Variants in ENPP2 observed in about 807,000 individuals in gnomAD.
ENPP2 encodes the protein autotaxin.
ENPP2 carries 51 observed loss-of-function variants against 120.2 expected under a neutral mutation model. That is an observed-to-expected ratio of 0.42 (90% confidence interval 0.34 to 0.54). ENPP2 has a LOEUF of 0.54. ENPP2 is among the 20% of genes least tolerant of loss of function. ENPP2 has a pLI of 0.04. For missense variants in ENPP2, 920 were observed against 1,066.5 expected (o/e 0.86, Z 1.91); for synonymous variants, 365 against 366.4 (o/e 1.00, Z 0.04).
At chr8:119,586,035 T>C (rs891694625) in intron 15 of ENPP2, 151 bp downstream of exon 15, 1 of 798,404 alleles carries the variant, frequency 1.3e-6, no homozygotes, top group Non-Finnish European at 2.0e-6. Context: ...GTCTCAGCAC[T>C]GATGGTTTAT....
At chr8:119,652,992 C>T (rs1817667617) in intron 1 of ENPP2, among the ~76,000 whole-genome samples, 1 of 152,150 alleles carries the variant, frequency 6.6e-6, no homozygotes, top group Non-Finnish European at 1.5e-5. Context: ...CCTGCAAGCT[C>T]TATAGAAGCC....
chr8:119,601,509 C>A, intron 9 of ENPP2, 47 bp from the exon 10 acceptor site: 1 of 1,442,766 alleles, frequency 6.9e-7, no homozygotes, highest in South Asian at 1.2e-5. Context: ...TTCATTTCCG[C>A]AAACTCAAGC....
At chr8:119,661,154 T>G (rs1187457273) in intron 1 of ENPP2, among the ~76,000 whole-genome samples, 1 of 150,338 alleles carries the variant, frequency 6.7e-6, no homozygotes, top group African/African-American at 2.5e-5. Context: ...CATCACACAC[T>G]GGGGCCTGTT....
Position 119,655,156 on chromosome 8 carries a change from A to G in ENPP2, c.22-16629T>C, listed in dbSNP as rs565303050. Among the ~76,000 whole-genome samples the G allele has an allele frequency of 4.6e-5, 7 of 152,350 alleles. No homozygotes were observed. The South Asian group carries it at 1.0e-3, about 23-fold the overall frequency. On this transcript the variant is annotated intron_variant, in intron 1 of 25. Coordinates refer to the ENPP2 transcript ENST00000427067. ...AAAGAAACACATTTCACAAAATCCTATGATGGACTTAAGCAAGAGATGAAG... is the reference window on the plus strand; with the variant it reads ...AAAGAAACACATTTCACAAAATCCTGTGATGGACTTAAGCAAGAGATGAAG...
At chr8:119,588,959 C>A (rs1227226133) in intron 13 of ENPP2, among the ~76,000 whole-genome samples, 2 of 152,276 alleles carry the variant, frequency 1.3e-5, no homozygotes, top group South Asian at 4.2e-4. Flanking sequence ...TACTAACCAT[C>A]ATCCTCGAAG....
At chr8:119,603,758 AG>A (rs1300914140) in intron 9 of ENPP2, among the ~76,000 whole-genome samples, 1 of 152,210 alleles carries the variant, frequency 6.6e-6, no homozygotes, top group Non-Finnish European at 1.5e-5. Flanking sequence ...ATATTTGTTA[AG>A]GGCATATTGG....
At chr8:119,660,443 C>T (rs1563778941) in intron 1 of ENPP2, among the ~76,000 whole-genome samples, 1 of 152,178 alleles carries the variant, frequency 6.6e-6, no homozygotes, top group Non-Finnish European at 1.5e-5. Context: ...CACTTTACCA[C>T]TACACCATAC....
chr8:119,625,289 C>T (rs1244128045), intron 3 of ENPP2, among the ~76,000 whole-genome samples: 2 of 152,090 alleles, frequency 1.3e-5, no homozygotes, highest in Admixed American at 6.5e-5. Flanking sequence ...TTTGCAGATC[C>T]ACAATTAAAA....
intron 9 of ENPP2, among the ~76,000 whole-genome samples, chr8:119,604,467 A>T (rs532407540): frequency 1.3e-5 from 2 of 152,344 alleles, no homozygotes; most frequent in South Asian, 4.1e-4. Flanking sequence ...TACAATGCGC[A>T]GACAGCACAA....
chr8:119,626,843 T>A, intron 2 of ENPP2, 123 bp from the exon 3 acceptor site: 1 of 838,416 alleles, frequency 1.2e-6, no homozygotes, highest in South Asian at 1.7e-5. Context: ...ACTGGCTCCA[T>A]TACTTACTAC....
chr8:119,668,037 A>G (rs1183955850), intron 1 of ENPP2, among the ~76,000 whole-genome samples: 4 of 152,154 alleles, frequency 2.6e-5, no homozygotes, highest in Non-Finnish European at 5.9e-5. Context: ...CAATTTAGAC[A>G]TCACTTCCTA....
chr8:119,573,737 A>C (rs1258813023), intron 19 of ENPP2, among the ~76,000 whole-genome samples: 1 of 152,138 alleles, frequency 6.6e-6, no homozygotes, highest in Non-Finnish European at 1.5e-5. Context: ...TGAACCTGGG[A>C]GGCAGAGGAT....
At chr8:119,660,085 G>A (rs16892919) in intron 1 of ENPP2, among the ~76,000 whole-genome samples, 5,348 of 152,204 alleles carry the variant, frequency 0.035, 309 homozygotes, top group African/African-American at 0.12. Flanking sequence ...CCTAGCTATC[G>A]TCTAAAAAGG....
chr8:119,646,442 G>A (rs1348981642), intron 1 of ENPP2, among the ~76,000 whole-genome samples: 1 of 152,156 alleles, frequency 6.6e-6, no homozygotes, highest in Non-Finnish European at 1.5e-5. Context: ...CCCAGAATCT[G>A]TTTTCGCAAC....
At chr8:119,576,579 C>T (rs556014793) in intron 19 of ENPP2, among the ~76,000 whole-genome samples, 1 of 152,248 alleles carries the variant, frequency 6.6e-6, no homozygotes, top group African/African-American at 2.4e-5. Flanking sequence ...AAATATGAAA[C>T]ATTTTTATAG....
In ENPP2 at chr8:119,582,480, T is replaced by C. The variant is rs747023486; in HGVS notation, c.1666A>G (p.Ile556Val). The change falls in exon 18 of 25, where the codon ATT (isoleucine) becomes GTT (valine). Residue 556 changes from isoleucine (I) to valine (V), a missense_variant. By Grantham distance (29) the Ile-to-Val change is conservative (BLOSUM62 3). Transcript: ENST00000075322. ...TCAAAATCAGACTGAAGGTACATAA[T>C]CCCTGGATAATTGGGTCTGGTAACT... ...EEVTRPNYPG[I>V]MYLQSDFDLG... 8.7e-6 allele frequency: 14 copies of C among 1,614,076 alleles called. No homozygotes were observed. The highest frequency in any genetic ancestry group is 1.2e-5 in the Non-Finnish European group (14 of 1,179,930).
Position 119,638,783 on chromosome 8 carries a change from C to A in ENPP2, c.-3G>T. ...TGGAACGAGCTCCTCCTTGCCATGTCGAGGATTCTTGGAAAGCCTTTTGCA... is the reference window on the plus strand; with the variant it reads ...TGGAACGAGCTCCTCCTTGCCATGTAGAGGATTCTTGGAAAGCCTTTTGCA... On this transcript the variant is annotated 5_prime_UTR_variant, in exon 1 of 25. Transcript: ENST00000075322. The A allele has an allele frequency of 1.2e-6, 2 of 1,612,964 alleles. No homozygotes were observed. Among genetic ancestry groups the A allele is most frequent in the South Asian group, 1.1e-5 (1 of 91,062 alleles).
intron 15 of ENPP2, among the ~76,000 whole-genome samples, chr8:119,585,873 A>G (rs1473417181): frequency 2.0e-5 from 3 of 151,890 alleles, no homozygotes; most frequent in Non-Finnish European, 4.4e-5. Context: ...TATACTTTTG[A>G]CTTACTCAAG....
At chr8:119,614,826 A>G (rs536889915) in intron 8 of ENPP2, among the ~76,000 whole-genome samples, 6 of 152,180 alleles carry the variant, frequency 3.9e-5, no homozygotes, top group Non-Finnish European at 8.8e-5. Flanking sequence ...TAAACTTTGA[A>G]TAATCCACCC....
Sources: allele counts gnomAD v4.1 joint callset (sites outside exome capture counted in the v4.1 genomes callset), GRCh38; gene constraint gnomAD v4.1.1; transcripts MANE v1.5; gene names NCBI Gene and HGNC (gene_info 2026-07-23, HGNC 2026-07-21).